DCP1A: variants seen among roughly 807,000 people sequenced by gnomAD.
DCP1A encodes the protein mRNA-decapping enzyme 1A.
Under a neutral mutation model 58.0 loss-of-function variants are expected in DCP1A, and 20 were observed. The ratio of observed to expected loss-of-function variants is 0.34; its 90% CI spans 0.24 to 0.50. The LOEUF (loss-of-function observed/expected upper bound fraction) is 0.50. DCP1A is among the 20% of genes least tolerant of loss of function. The pLI, the probability that DCP1A is intolerant of heterozygous loss-of-function variation, is 0.98. For synonymous variants in DCP1A, 285 were observed against 275.1 expected, an observed-to-expected ratio of 1.04 and a Z score of -0.36; for missense variants, 613 against 712.2, an observed-to-expected ratio of 0.86 and a Z score of 1.59.
chr3:53,287,762 G>A, intron 9 of DCP1A, 102 bp from the exon 10 acceptor site: 1 of 817,728 alleles, frequency 1.2e-6, no homozygotes, highest in Non-Finnish European at 2.1e-6. Flanking sequence ...TAAATGATTT[G>A]TATAACTGAT....
At chr3:53,315,497 CCA>C (rs2106842078) in intron 4 of DCP1A, among the ~76,000 whole-genome samples, 1 of 146,868 alleles carries the variant, frequency 6.8e-6, no homozygotes, top group East Asian at 2.0e-4. Context: ...CCAGATCACG[CCA>C]CCACATTCCT....
intron 3 of DCP1A, among the ~76,000 whole-genome samples, chr3:53,339,906 T>A (rs1369777981): frequency 6.6e-6 from 1 of 152,184 alleles, no homozygotes; most frequent in Non-Finnish European, 1.5e-5. Flanking sequence ...CCATATTCAT[T>A]TGCAGAATTT....
At chr3:53,334,706 A>T (rs1553691700) in intron 3 of DCP1A, among the ~76,000 whole-genome samples, 1 of 152,134 alleles carries the variant, frequency 6.6e-6, no homozygotes, top group African/African-American at 2.4e-5. Context: ...ATCATGTTAT[A>T]CTGTGGAGCG....
intron 4 of DCP1A, 149 bp downstream of exon 4, chr3:53,319,258 A>C (rs1553689604): frequency 1.9e-6 from 1 of 536,116 alleles, no homozygotes; most frequent in East Asian, 2.9e-5. Flanking sequence ...TATATTTTAA[A>C]GCTTTTCAGC....
intron 3 of DCP1A, among the ~76,000 whole-genome samples, chr3:53,325,249 C>T (rs1553690471): frequency 2.0e-5 from 3 of 152,162 alleles, no homozygotes; most frequent in Non-Finnish European, 4.4e-5. Flanking sequence ...CGTAAAATCC[C>T]TTGAGACTTC....
chr3:53,294,336 G>T (rs782330446), intron 6 of DCP1A, among the ~76,000 whole-genome samples: 8 of 152,186 alleles, frequency 5.3e-5, no homozygotes, highest in Admixed American at 1.3e-4. Flanking sequence ...GGAAGGAGTT[G>T]GTGGCTGGTC....
intron 5 of DCP1A, among the ~76,000 whole-genome samples, chr3:53,311,590 T>G (rs1707646440): frequency 6.6e-6 from 1 of 152,230 alleles, no homozygotes; most frequent in Non-Finnish European, 1.5e-5. Flanking sequence ...GAAAAGCCTC[T>G]CATTTGGGTA....
Position 53,292,500 on chromosome 3 carries a change from G to A in DCP1A, c.952C>T (p.Leu318Phe), listed in dbSNP as rs1553686225. Residue 318 changes from leucine (L) to phenylalanine (F), a missense_variant, in exon 7 of 10, where the codon CTC (leucine) becomes TTC (phenylalanine). By Grantham distance (22) the Leu-to-Phe change is conservative (BLOSUM62 0). Transcript: ENST00000610213. ...GCTTCAGCTGGCAGAGTGGGACTGA[G>A]AACAGGGCTCAACGGGATTGTGTAG... is the stretch of plus-strand genomic sequence containing the variant. Reference protein sequence around the residue: ...PTYTIPLSPVLSPTLPAEAPT... With the variant: ...PTYTIPLSPVFSPTLPAEAPT... 5 of 1,613,922 alleles carry A rather than the reference G, an allele frequency of 3.1e-6. No individual in the cohort carries two copies. Among genetic ancestry groups the A allele is most frequent in the Non-Finnish European group, 4.2e-6 (5 of 1,179,916 alleles).
intron 7 of DCP1A, 22 bp downstream of exon 7, chr3:53,292,045 CCA>C: frequency 2.6e-6 from 4 of 1,548,210 alleles, no homozygotes; most frequent in Non-Finnish European, 1.8e-6. Context: ...CCCACTCTGC[CCA>C]CCCCCACCCT....
intron 6 of DCP1A, among the ~76,000 whole-genome samples, chr3:53,296,184 C>A (rs189376981): frequency 1.3e-5 from 2 of 152,000 alleles, no homozygotes; most frequent in South Asian, 2.1e-4. Context: ...CATGAGCCAC[C>A]GCGCCCGGCC....
At chr3:53,298,007 CAGG>C (rs1707185497) in intron 6 of DCP1A, among the ~76,000 whole-genome samples, 1 of 152,152 alleles carries the variant, frequency 6.6e-6, no homozygotes, top group African/African-American at 2.4e-5. Context: ...TGCTTGAAGC[CAGG>C]AGTTTAAGAT....
intron 3 of DCP1A, among the ~76,000 whole-genome samples, chr3:53,335,111 G>A (rs993979673): frequency 4.0e-5 from 6 of 150,182 alleles, no homozygotes; most frequent in South Asian, 2.2e-4. Context: ...GTGTGCACGC[G>A]CATGTGTATA....
chr3:53,342,378 T>C, intron 2 of DCP1A, 107 bp from the exon 3 acceptor site: 2 of 838,160 alleles, frequency 2.4e-6, no homozygotes, highest in Non-Finnish European at 3.6e-6. Flanking sequence ...CATTAGAACA[T>C]TATACAATAT....
chr3:53,312,386 GAGA>G lies in DCP1A; in HGVS notation c.372-10_372-8del, dbSNP rs1707674115. 2 of 1,575,272 alleles carry G rather than the reference GAGA, an allele frequency of 1.3e-6. No homozygotes were observed. The highest frequency in any genetic ancestry group is 8.6e-7 in the Non-Finnish European group (1 of 1,163,988). On this transcript the variant is annotated splice_region_variant and splice_polypyrimidine_tract_variant and intron_variant, in intron 4 of 9. Transcript: ENST00000610213. ...TGTCTCCTCTTCTACCACACTAGAG[GAGA>G]AGAACAAGGTTTTAGAAAGGCCTCT...
At chr3:53,312,150 G>T in intron 5 of DCP1A, 91 bp downstream of exon 5, 2 of 1,400,858 alleles carry the variant, frequency 1.4e-6, no homozygotes, top group South Asian at 3.0e-5. Context: ...GTCCCTGGAG[G>T]CCAGCTTCCC....
At position 53,292,176 on chromosome 3, in the gene DCP1A, C is replaced by T. The variant is rs1204158303; in HGVS notation, c.1276G>A (p.Gly426Ser). Residue 426 changes from glycine (G) to serine (S), a missense_variant, in exon 7 of 10, where the codon GGT becomes AGT. This residue lies in a region of DCP1A where 498 missense variants were observed against 556.7 expected (regional missense o/e 0.89). Coordinates refer to ENST00000610213, the MANE Select transcript of DCP1A (RefSeq NM_018403.7). ...AMVASFSPAA[G>S]QLATPESFIE... is the part of the protein sequence containing the mutation. ...AAGCTCTCAGGTGTGGCTAGCTGAC[C>T]AGCTGCCGGAGAAAAGCTGGCTACC... 3 of 1,613,834 alleles carry T rather than the reference C, an allele frequency of 1.9e-6. No homozygotes were observed. The highest frequency in any genetic ancestry group is 2.5e-6 in the Non-Finnish European group (3 of 1,179,904).
At chr3:53,334,542 T>A (rs1007107859) in intron 3 of DCP1A, among the ~76,000 whole-genome samples, 2 of 152,244 alleles carry the variant, frequency 1.3e-5, no homozygotes, top group African/African-American at 4.8e-5. Flanking sequence ...ACCTTATTAA[T>A]CAATTTATCT....
At chr3:53,341,789 C>T (rs569066222) in intron 3 of DCP1A, among the ~76,000 whole-genome samples, 1 of 152,236 alleles carries the variant, frequency 6.6e-6, no homozygotes, top group South Asian at 2.1e-4. Context: ...ACTGCAACCT[C>T]CACCTCCCAG....
intron 5 of DCP1A, among the ~76,000 whole-genome samples, chr3:53,311,709 C>T (rs1707649036): frequency 6.6e-6 from 1 of 152,064 alleles, no homozygotes; most frequent in African/African-American, 2.4e-5. Flanking sequence ...TTTTCAAAGC[C>T]TAAACAAATT....
Sources: gnomAD v4.1 joint callset for allele counts (sites outside exome capture counted in the v4.1 genomes callset) on GRCh38, gnomAD v4.1.1 for gene constraint, gnomAD v4.1.1 regional missense constraint, MANE v1.5 for transcripts, NCBI Gene and HGNC (gene_info 2026-07-23, HGNC 2026-07-21) for gene names.